SORCS3: variants seen among roughly 807,000 people sequenced by gnomAD.
SORCS3 encodes VPS10 domain-containing receptor SorCS3.
In SORCS3, 57 loss-of-function variants were observed where a neutral mutation model predicts 146.3. The observed-to-expected ratio is 0.39, with a 90% CI of 0.31 to 0.49. The LOEUF is 0.49. Among genes scored for constraint, SORCS3 ranks in the 20% least tolerant of loss-of-function variants. SORCS3 has a pLI of 0.92. For synonymous variants in SORCS3, 653 were observed against 618.5 expected, an observed-to-expected ratio of 1.06 and a Z score of -0.83; for missense variants, 1,341 against 1,575.5, an observed-to-expected ratio of 0.85 and a Z score of 2.52.
chr10:104,645,299 G>A (rs1380600818), intron 1 of SORCS3, among the ~76,000 whole-genome samples: 1 of 152,170 alleles, frequency 6.6e-6, no homozygotes, highest in Admixed American at 6.5e-5. Flanking sequence ...CCCAGTCCCC[G>A]TGGCTTACAG....
chr10:104,932,080 C>T (rs764720491), intron 3 of SORCS3, among the ~76,000 whole-genome samples: 4 of 152,140 alleles, frequency 2.6e-5, no homozygotes, highest in Non-Finnish European at 5.9e-5. Flanking sequence ...TGGTCTCAGC[C>T]GCCCTGCCTT....
At chr10:105,055,560 A>C (rs963067592) in intron 5 of SORCS3, among the ~76,000 whole-genome samples, 1 of 152,182 alleles carries the variant, frequency 6.6e-6, no homozygotes, top group African/African-American at 2.4e-5. Context: ...CCTGGAGCAC[A>C]GTAAGTGCTT....
chr10:105,149,677 G>A (rs1564767472), intron 9 of SORCS3, among the ~76,000 whole-genome samples: 1 of 152,036 alleles, frequency 6.6e-6, no homozygotes, highest in Non-Finnish European at 1.5e-5. Context: ...ACCCAAATAG[G>A]GGTGGGTGGG....
At chr10:104,657,516 T>C (rs747435095) in intron 1 of SORCS3, among the ~76,000 whole-genome samples, 4 of 152,212 alleles carry the variant, frequency 2.6e-5, no homozygotes, top group Non-Finnish European at 5.9e-5. Flanking sequence ...GGAGTGTTTT[T>C]TTCGTGGTTG....
intron 9 of SORCS3, among the ~76,000 whole-genome samples, chr10:105,152,064 A>G (rs537894343): frequency 8.5e-5 from 13 of 152,274 alleles, no homozygotes; most frequent in African/African-American, 2.4e-4. Context: ...TTTCTTTTTA[A>G]TTACTCTCCC....
intron 3 of SORCS3, among the ~76,000 whole-genome samples, chr10:104,929,605 G>T (rs903240598): frequency 3.4e-4 from 51 of 152,228 alleles, no homozygotes; most frequent in African/African-American, 1.2e-3. Flanking sequence ...GCCCTAGACA[G>T]CCCTCAGCAA....
At chr10:105,229,033 C>T (rs1263834786) in intron 20 of SORCS3, among the ~76,000 whole-genome samples, 4 of 152,104 alleles carry the variant, frequency 2.6e-5, no homozygotes, top group East Asian at 1.9e-4. Flanking sequence ...ATAAGCTTTG[C>T]TCATTTTTAA....
At chr10:104,790,969 A>T (rs1490170) in intron 1 of SORCS3, among the ~76,000 whole-genome samples, 120,116 of 152,168 alleles carry the variant, frequency 0.79, 47,650 homozygotes, top group East Asian at 0.94. Flanking sequence ...GGACTAAAAC[A>T]GGCAACACTT....
At chr10:105,033,646 A>C (rs1247929753) in intron 4 of SORCS3, among the ~76,000 whole-genome samples, 5 of 152,186 alleles carry the variant, frequency 3.3e-5, no homozygotes, top group Non-Finnish European at 5.9e-5. Context: ...ACATAGAGAC[A>C]ATTAGAGAGC....
intron 7 of SORCS3, among the ~76,000 whole-genome samples, chr10:105,130,915 C>T (rs562721534): frequency 6.6e-6 from 1 of 152,256 alleles, no homozygotes; most frequent in South Asian, 2.1e-4. Flanking sequence ...TGCTGTACCA[C>T]ACTTTTTATT....
chr10:105,242,618 T>TTA (rs1230212218), intron 20 of SORCS3, among the ~76,000 whole-genome samples: 1 of 100,622 alleles, frequency 9.9e-6, no homozygotes, highest in East Asian at 3.3e-4. Flanking sequence ...TTATATATAT[T>TTA]TATATATATT....
chr10:105,041,862 A>G (rs764477553), intron 4 of SORCS3, among the ~76,000 whole-genome samples: 5 of 152,070 alleles, frequency 3.3e-5, no homozygotes, highest in Middle Eastern at 3.2e-3. Context: ...GGCTTCCTCA[A>G]TGCTCCCATC....
chr10:104,979,141 T>G (rs2133652259), intron 4 of SORCS3, among the ~76,000 whole-genome samples: 1 of 152,302 alleles, frequency 6.6e-6, no homozygotes, highest in South Asian at 2.1e-4. Flanking sequence ...TTCAGAACAC[T>G]TGTCACAAAT....
chr10:105,101,966 C>T (rs1039042591), intron 6 of SORCS3, among the ~76,000 whole-genome samples: 8 of 152,206 alleles, frequency 5.3e-5, no homozygotes, highest in Non-Finnish European at 1.0e-4. Flanking sequence ...GGTGGGCTAG[C>T]AGCAATGTGC....
intron 6 of SORCS3, among the ~76,000 whole-genome samples, chr10:105,091,334 T>C (rs1345259315): frequency 4.9e-5 from 4 of 81,118 alleles, no homozygotes; most frequent in African/African-American, 1.9e-4. Context: ...CTTCCTTGCT[T>C]CCTTCCTTCG....
intron 5 of SORCS3, among the ~76,000 whole-genome samples, chr10:105,053,544 T>G (rs1309844570): frequency 1.3e-5 from 2 of 151,982 alleles, no homozygotes; most frequent in Non-Finnish European, 2.9e-5. Flanking sequence ...AGAAAATACC[T>G]CTTAAAAAAT....
At chr10:104,929,827 A>G (rs1334832198) in intron 3 of SORCS3, among the ~76,000 whole-genome samples, 2 of 152,230 alleles carry the variant, frequency 1.3e-5, no homozygotes, top group Admixed American at 6.5e-5. Context: ...GGAATTTCCC[A>G]GACAAAGCCA....
intron 20 of SORCS3, among the ~76,000 whole-genome samples, chr10:105,240,819 C>A (rs1043927942): frequency 6.6e-6 from 1 of 152,042 alleles, no homozygotes; most frequent in Non-Finnish European, 1.5e-5. Flanking sequence ...CCTTCTCAGT[C>A]AATCTCCAGT....
At chr10:105,258,352 G>A (rs2056942600) in intron 25 of SORCS3, among the ~76,000 whole-genome samples, 1 of 152,192 alleles carries the variant, frequency 6.6e-6, no homozygotes, top group Non-Finnish European at 1.5e-5. Flanking sequence ...AAACAGCCTG[G>A]TTAAGGCAAC....
Sources: gnomAD v4.1 joint callset for allele counts (sites outside exome capture counted in the v4.1 genomes callset) on GRCh38, gnomAD v4.1.1 for gene constraint, MANE v1.5 for transcripts, NCBI Gene and HGNC (gene_info 2026-07-23, HGNC 2026-07-21) for gene names.